The following SKAP2 variants were observed in gnomAD, a reference collection of about 807,000 sequenced individuals.
The protein encoded by SKAP2 is src kinase associated phosphoprotein 2, also known as src kinase-associated phosphoprotein 2.
Under a neutral mutation model 54.9 loss-of-function variants are expected in SKAP2, and 28 were observed. That is an observed-to-expected ratio of 0.51 (90% CI 0.38 to 0.70). SKAP2 has a LOEUF of 0.70. SKAP2 is among the 30% of genes least tolerant of loss of function. The pLI is 0.00. For synonymous variants in SKAP2, 137 were observed against 134.3 expected (o/e 1.02, Z -0.14); for missense variants, 356 against 424.1 (o/e 0.84, Z 1.41).
downstream of SKAP2, among the ~76,000 whole-genome samples, chr7:26,664,623 G>A (rs1240505869): frequency 2.0e-5 from 3 of 151,570 alleles, no homozygotes; most frequent in Non-Finnish European, 2.9e-5. Flanking sequence ...TCTAGCAGGA[G>A]TGATATTTTT....
At chr7:26,791,915 C>T (rs1322722765) in intron 4 of SKAP2, among the ~76,000 whole-genome samples, 1 of 152,062 alleles carries the variant, frequency 6.6e-6, no homozygotes, top group Admixed American at 6.6e-5. Context: ...TAGTTTTATT[C>T]CTATTAGTCA....
intron 4 of SKAP2, among the ~76,000 whole-genome samples, chr7:26,762,298 A>G (rs1420474999): frequency 2.0e-5 from 3 of 152,074 alleles, no homozygotes; most frequent in Non-Finnish European, 2.9e-5. Flanking sequence ...ATTAAAAATT[A>G]AAAAAATCCA....
intron 9 of SKAP2, among the ~76,000 whole-genome samples, chr7:26,708,791 TTAA>T (rs1443559529): frequency 6.6e-6 from 1 of 152,208 alleles, no homozygotes; most frequent in African/African-American, 2.4e-5. Flanking sequence ...TTATTTCTAA[TTAA>T]TAAATTCTGA....
chr7:26,739,272 A>G (rs1448991423), intron 5 of SKAP2, among the ~76,000 whole-genome samples: 1 of 152,260 alleles, frequency 6.6e-6, no homozygotes, highest in East Asian at 1.9e-4. Flanking sequence ...AAGCTAAGAA[A>G]AGCAAAATGA....
intron 4 of SKAP2, among the ~76,000 whole-genome samples, chr7:26,796,718 C>G (rs1783788965): frequency 6.6e-6 from 1 of 152,214 alleles, no homozygotes; most frequent in Non-Finnish European, 1.5e-5. Context: ...TAACATTTCT[C>G]TAGCTTATTC....
chr7:26,764,814 G>C (rs1783010833), intron 4 of SKAP2, among the ~76,000 whole-genome samples: 1 of 152,090 alleles, frequency 6.6e-6, no homozygotes, highest in Non-Finnish European at 1.5e-5. Context: ...GCCTCCCAAA[G>C]TGCTGGGATT....
At chr7:26,793,210 C>T (rs995948589) in intron 4 of SKAP2, among the ~76,000 whole-genome samples, 7 of 152,186 alleles carry the variant, frequency 4.6e-5, no homozygotes, top group African/African-American at 1.7e-4. Context: ...CAGGCAAAAG[C>T]ACAATTGCCA....
intron 4 of SKAP2, among the ~76,000 whole-genome samples, chr7:26,816,597 CTG>C (rs940214677): frequency 1.3e-5 from 2 of 151,952 alleles, no homozygotes; most frequent in Non-Finnish European, 2.9e-5. Context: ...AAAATTCAGA[CTG>C]TCAATTTTTA....
chr7:26,861,223 C>T (rs1293783829), intron 1 of SKAP2, among the ~76,000 whole-genome samples: 1 of 138,304 alleles, frequency 7.2e-6, no homozygotes, highest in Admixed American at 7.9e-5. Flanking sequence ...ACTTTCTTGC[C>T]TGTCTAGAGA....
chr7:26,806,613 A>C (rs1784029087), intron 4 of SKAP2, among the ~76,000 whole-genome samples: 1 of 152,212 alleles, frequency 6.6e-6, no homozygotes, highest in Non-Finnish European at 1.5e-5. Context: ...CCAAACAGCC[A>C]AGTTGTGAAT....
chr7:26,782,789 A>G (rs927316491), intron 4 of SKAP2, among the ~76,000 whole-genome samples: 2 of 152,182 alleles, frequency 1.3e-5, no homozygotes, highest in Non-Finnish European at 2.9e-5. Flanking sequence ...GGCCCTAGAG[A>G]GCTGCCTGCT....
chr7:26,799,326 T>G (rs1783860339), intron 4 of SKAP2, among the ~76,000 whole-genome samples: 3 of 151,726 alleles, frequency 2.0e-5, no homozygotes, highest in Admixed American at 2.0e-4. Context: ...GGAAACACAT[T>G]TCACCTATAA....
intron 4 of SKAP2, among the ~76,000 whole-genome samples, chr7:26,841,518 G>C (rs780275129): frequency 6.6e-6 from 1 of 151,970 alleles, no homozygotes. Flanking sequence ...AAGCATCACT[G>C]AAGTGTGCTT....
At chr7:26,661,196 T>G in the SKAP2 span, among the ~76,000 whole-genome samples, 13 of 152,094 alleles carry the variant, frequency 8.5e-5, no homozygotes, top group Admixed American at 2.6e-4. Context: ...ATTAAAGCAT[T>G]AAGGTTACAT....
intron 4 of SKAP2, among the ~76,000 whole-genome samples, chr7:26,767,886 T>C (rs144993646): frequency 0.012 from 1,801 of 152,318 alleles, 34 homozygotes; most frequent in African/African-American, 0.04. Context: ...TCCAATTATG[T>C]GGTCAATTTT....
intron 4 of SKAP2, 80 bp downstream of exon 4, chr7:26,843,950 G>C: frequency 1.1e-6 from 1 of 877,142 alleles, no homozygotes; most frequent in Non-Finnish European, 1.8e-6. Context: ...ATGTTCATCT[G>C]CTTTCTCATA....
At chr7:26,829,087 G>A (rs374272617) in intron 4 of SKAP2, among the ~76,000 whole-genome samples, 14 of 152,094 alleles carry the variant, frequency 9.2e-5, no homozygotes, top group East Asian at 5.8e-4. Context: ...ATTAAACTTC[G>A]TCAAAATGCA....
At chr7:26,786,603 T>C (rs1783550071) in intron 4 of SKAP2, among the ~76,000 whole-genome samples, 1 of 152,278 alleles carries the variant, frequency 6.6e-6, no homozygotes, top group South Asian at 2.1e-4. Context: ...CCTAAGGCAG[T>C]GGCGAGCCTG....
chr7:26,760,887 T>G (rs2127970735), intron 4 of SKAP2, among the ~76,000 whole-genome samples: 1 of 152,198 alleles, frequency 6.6e-6, no homozygotes, highest in African/African-American at 2.4e-5. Context: ...CATATAGAAT[T>G]TTAGAAAAGA....
Sources: gnomAD v4.1 joint callset for allele counts (sites outside exome capture counted in the v4.1 genomes callset) on GRCh38, gnomAD v4.1.1 for gene constraint, MANE v1.5 for transcripts, NCBI Gene and HGNC (gene_info 2026-07-23, HGNC 2026-07-21) for gene names.